The following RNF149 variants were observed in gnomAD, a reference collection of about 807,000 sequenced individuals.
RNF149 encodes the protein E3 ubiquitin-protein ligase RNF149.
Under a neutral mutation model 39.0 loss-of-function variants are expected in RNF149, and 21 were observed. That is an observed-to-expected ratio of 0.54 (90% confidence interval 0.38 to 0.77). RNF149 has a LOEUF of 0.77. Ranked by LOEUF, RNF149 falls within the 30% of genes least tolerant of loss-of-function variation. RNF149 has a pLI of 0.00. For missense variants in RNF149, 493 were observed against 534.9 expected (o/e 0.92, Z 0.77); for synonymous variants, 209 against 213.6 (o/e 0.98, Z 0.19).
chr2:101,308,628 G>A lies in RNF149; in HGVS notation c.-40C>T. ...GCTGACTAGGGGGAGTCAGGGTCAC[G>A]CGCGAGTGCGGTGCAGTCGAAGAGC... On this transcript the variant is annotated 5_prime_UTR_variant, in exon 1 of 7. Coordinates refer to ENST00000295317, the MANE Select transcript of RNF149 (RefSeq NM_173647.4). 1 of 1,458,868 alleles carries A rather than the reference G, an allele frequency of 6.9e-7. No individual in the cohort carries two copies. The highest frequency in any genetic ancestry group is 9.0e-7 in the Non-Finnish European group (1 of 1,110,212). The allele number at this position is 1,458,868 out of a possible 1,614,324, so 90.4% of individuals were successfully genotyped here. A position where few individuals can be genotyped will look rare whatever the true frequency, so the allele number is the denominator to read the frequency against.
Position 101,277,128 on chromosome 2 carries a change from A to G in RNF149, c.*110T>C. ...ATCAAATCAGAATCTAATAGGTAAA[A>G]TAATATACATTATTTTCAAATATAC... On this transcript the variant is annotated 3_prime_UTR_variant, in exon 7 of 7. Coordinates refer to ENST00000295317, the MANE Select transcript of RNF149 (RefSeq NM_173647.4). 1 of 1,488,598 alleles carries G rather than the reference A, an allele frequency of 6.7e-7. No homozygotes were observed. Among genetic ancestry groups the G allele is most frequent in the South Asian group, 1.3e-5 (1 of 79,796 alleles). 92.2% of individuals were successfully genotyped at this position (1,488,598 alleles called of 1,614,324 possible).
At chr2:101,298,508 C>T (rs897986568) in intron 1 of RNF149, among the ~76,000 whole-genome samples, 8 of 152,024 alleles carry the variant, frequency 5.3e-5, no homozygotes, top group Admixed American at 1.3e-4. Context: ...ACAATCTAAA[C>T]GTCCATCGAA....
intron 2 of RNF149, 60 bp downstream of exon 2, chr2:101,294,871 T>C: frequency 7.7e-7 from 1 of 1,293,296 alleles, no homozygotes; most frequent in Non-Finnish European, 1.1e-6. Flanking sequence ...TAGGAATATA[T>C]ATGCGGCATA....
downstream of RNF149, among the ~76,000 whole-genome samples, chr2:101,275,111 GTTTTTTTTTTTTT>G (rs1165388203): frequency 2.0e-5 from 1 of 51,056 alleles, no homozygotes; most frequent in Non-Finnish European, 3.2e-5. Context: ...TAGTATTTCT[GTTTTTTTTTTTTT>G]TTTTTTTTTT....
chr2:101,288,929 T>C (rs1682897156), intron 4 of RNF149, 44 bp downstream of exon 4: 1 of 985,832 alleles, frequency 1.0e-6, no homozygotes, highest in Non-Finnish European at 1.6e-6. Context: ...CACCTAAAAC[T>C]TGTCAAGTAA....
Position 101,308,660 on chromosome 2 carries a change from A to T in RNF149, c.-72T>A. 7.5e-7 allele frequency: 1 copy of T among 1,332,846 alleles called. No individual in the cohort carries two copies. The highest frequency in any genetic ancestry group is 9.8e-7 in the Non-Finnish European group (1 of 1,018,540). 82.6% of individuals were successfully genotyped at this position (1,332,846 alleles called of 1,614,324 possible). A position where few individuals can be genotyped will look rare whatever the true frequency, so the allele number is the denominator to read the frequency against. On this transcript the variant is annotated 5_prime_UTR_variant, in exon 1 of 7. Transcript: ENST00000295317. Reference sequence around the variant, plus strand: ...TGCGGTGCAGTCGAAGAGCAGAGAGAAGCGGACACCCACCGCCGCCCTGGA... The same window carrying T: ...TGCGGTGCAGTCGAAGAGCAGAGAGTAGCGGACACCCACCGCCGCCCTGGA...
intron 1 of RNF149, among the ~76,000 whole-genome samples, chr2:101,306,767 AGTCTCTCAACT>A (rs1683676062): frequency 6.6e-6 from 1 of 152,356 alleles, no homozygotes; most frequent in South Asian, 2.1e-4. Context: ...TCTTCTCAAC[AGTCTCTCAACT>A]GACTACCTTT....
chr2:101,272,267 T>TA (rs1254608550), downstream of RNF149, among the ~76,000 whole-genome samples: 1 of 152,200 alleles, frequency 6.6e-6, no homozygotes, highest in East Asian at 1.9e-4. Context: ...TAGCCAATAA[T>TA]ACAGCCCTAC....
rs768940190 is a variant in RNF149, at chr2:101,308,647, G to A, written c.-59C>T. 3 of 1,388,816 alleles carry A rather than the reference G, an allele frequency of 2.2e-6. No individual in the cohort carries two copies. Among genetic ancestry groups the A allele is most frequent in the African/African-American group, 1.5e-5 (1 of 65,824 alleles). The allele number at this position is 1,388,816 out of a possible 1,614,324, so 86.0% of individuals were successfully genotyped here. On this transcript the variant is annotated 5_prime_UTR_variant, in exon 1 of 7. Transcript: ENST00000295317. ...GGTCACGCGCGAGTGCGGTGCAGTC[G>A]AAGAGCAGAGAGAAGCGGACACCCA...
At chr2:101,273,343 T>C (rs1313793607), downstream of RNF149, 5 of 471,136 alleles carry the variant, frequency 1.1e-5, no homozygotes, top group Admixed American at 1.2e-4. Context: ...ACATGGCTCC[T>C]ATAATGGTTA....
At chr2:101,300,131 G>A (rs951384590) in intron 1 of RNF149, among the ~76,000 whole-genome samples, 1 of 152,320 alleles carries the variant, frequency 6.6e-6, no homozygotes, top group South Asian at 2.1e-4. Flanking sequence ...TTTGCTTGGG[G>A]TGGAGGGAAA....
intron 1 of RNF149, among the ~76,000 whole-genome samples, chr2:101,302,293 T>C (rs1465270745): frequency 1.3e-5 from 2 of 152,174 alleles, no homozygotes; most frequent in Admixed American, 6.5e-5. Context: ...TTTAGTGCTA[T>C]AGTTAAAATG....
Position 101,286,171 on chromosome 2 carries a change from A to G in RNF149, c.870T>C (p.Ile290=). ...ATGGGTCAATGCATATTCTATGAAA[A>G]ATATGCCTAAAAAGATTAAGTATGT... ...DIIRILPCKH[I]FHRICIDPWL... Residue 290 remains isoleucine, a synonymous_variant, in exon 5 of 7, where the codon ATT becomes ATC. Transcript: ENST00000295317. 1 of 1,581,156 alleles carries G rather than the reference A, an allele frequency of 6.3e-7. No homozygotes were observed. Among genetic ancestry groups the G allele is most frequent in the Non-Finnish European group, 8.7e-7 (1 of 1,151,040 alleles).
chr2:101,275,431 C>CTTTT (rs59154104), downstream of RNF149, among the ~76,000 whole-genome samples: 94 of 26,604 alleles, frequency 3.5e-3, 23 homozygotes, highest in East Asian at 7.0e-3. Context: ...CCTAGTATTT[C>CTTTT]TTTTTTTTTT....
intron 1 of RNF149, among the ~76,000 whole-genome samples, chr2:101,296,497 C>T (rs1431350121): frequency 6.6e-6 from 1 of 152,134 alleles, no homozygotes; most frequent in African/African-American, 2.4e-5. Context: ...AACATTGTGG[C>T]TGTAGCATAT....
Position 101,276,597 on chromosome 2 carries a change from C to A in RNF149, c.*641G>T, listed in dbSNP as rs1318001857. 2.0e-6 allele frequency: 2 copies of A among 985,744 alleles called. No homozygotes were observed. Among genetic ancestry groups the A allele is most frequent in the Non-Finnish European group, 2.4e-6 (2 of 829,920 alleles). The allele number at this position is 985,744 out of a possible 1,614,324, so 61.1% of individuals were successfully genotyped here. ...AAAATAAACAGATTTCCCTCCCCAACAAGGCGTCACAAGAAATGAGGCAAT... is the reference window on the plus strand; with the variant it reads ...AAAATAAACAGATTTCCCTCCCCAAAAAGGCGTCACAAGAAATGAGGCAAT... On this transcript the variant is annotated 3_prime_UTR_variant, in exon 7 of 7. Transcript: ENST00000295317.
Position 101,308,457 on chromosome 2 carries a change from G to C in RNF149, c.132C>G (p.Ile44Met). The C allele has an allele frequency of 6.2e-7, 1 of 1,611,652 alleles. No homozygotes were observed. Among genetic ancestry groups the C allele is most frequent in the Non-Finnish European group, 8.5e-7 (1 of 1,179,390 alleles). ...GGTTGGTCTGCGGGTCCACGTACTC[G>C]ATGTTTACCACGGCCGAGAACCACT... ...ALEWFSAVVNIEYVDPQTNLT... is the reference protein window; with the variant it reads ...ALEWFSAVVNMEYVDPQTNLT... The change falls in exon 1 of 7, where the codon ATC (isoleucine) becomes ATG (methionine). Residue 44 changes from isoleucine (I) to methionine (M), a missense_variant. Physicochemically the swap from Ile to Met is conservative, Grantham distance 10. Coordinates refer to ENST00000295317, the MANE Select transcript of RNF149 (RefSeq NM_173647.4).
At chr2:101,289,078 T>C (rs748887945) in intron 3 of RNF149, 23 bp from the exon 4 acceptor site, 2 of 1,390,152 alleles carry the variant, frequency 1.4e-6, no homozygotes, top group Non-Finnish European at 2.0e-6. Flanking sequence ...AAGGAAAGTG[T>C]TACTACATTC....
At position 101,295,187 on chromosome 2, in the gene RNF149, G is replaced by A; in HGVS notation, c.461-6C>T. On this transcript the variant is annotated splice_polypyrimidine_tract_variant and splice_region_variant and intron_variant, in intron 1 of 6. Coordinates refer to ENST00000295317, the MANE Select transcript of RNF149 (RefSeq NM_173647.4). Reference sequence around the variant, plus strand: ...GACCACTATATTTCCTGTTCCTGTAGGAAAGAACAAAGAAATCAATGTGAA... The same window carrying A: ...GACCACTATATTTCCTGTTCCTGTAAGAAAGAACAAAGAAATCAATGTGAA... 1.2e-6 allele frequency: 2 copies of A among 1,609,532 alleles called. No individual in the cohort carries two copies. Among genetic ancestry groups the A allele is most frequent in the Non-Finnish European group, 1.7e-6 (2 of 1,176,726 alleles).
Sources: allele counts gnomAD v4.1 joint callset (sites outside exome capture counted in the v4.1 genomes callset), GRCh38; gene constraint gnomAD v4.1.1; transcripts MANE v1.5; gene names NCBI Gene and HGNC (gene_info 2026-07-23, HGNC 2026-07-21).